C4orf51: variants seen among roughly 807,000 people sequenced by gnomAD.
C4orf51 encodes uncharacterized protein C4orf51.
C4orf51 carries 25 observed loss-of-function variants against 25.2 expected under a neutral mutation model. That is an observed-to-expected ratio of 0.99 (90% confidence interval 0.72 to 1.39). C4orf51 has a LOEUF of 1.39. Among genes scored for constraint, C4orf51 ranks in the 40% most tolerant of loss-of-function variants. The pLI is 0.00. For missense variants in C4orf51, 252 were observed against 239.6 expected (o/e 1.05, Z -0.34); for synonymous variants, 100 against 84.5 (o/e 1.18, Z -1.01).
At chr4:145,771,523 G>T (rs181389841), downstream of C4orf51, among the ~76,000 whole-genome samples, 81 of 152,296 alleles carry the variant, frequency 5.3e-4, no homozygotes, top group Non-Finnish European at 8.1e-4. Flanking sequence ...AGCAAAATTT[G>T]CACTGAAGAA....
chr4:145,742,757 G>T (rs965505649), intron 1 of C4orf51, among the ~76,000 whole-genome samples: 1 of 151,638 alleles, frequency 6.6e-6, no homozygotes, highest in Non-Finnish European at 1.5e-5. Context: ...GGTTAGGCTG[G>T]TCTCAAACCC....
At chr4:145,779,300 A>G in the C4orf51 span, 3 of 1,536,662 alleles carry the variant, frequency 2.0e-6, no homozygotes, top group Non-Finnish European at 2.6e-6. Flanking sequence ...CTCTTAGAGA[A>G]ACTCAGTTTC....
chr4:145,699,045 A>G (rs1468587828), intron 2 of C4orf51, among the ~76,000 whole-genome samples: 4 of 151,416 alleles, frequency 2.6e-5, no homozygotes, highest in Middle Eastern at 3.4e-3. Flanking sequence ...TTCTGGCTCA[A>G]ATAGCACCCC....
downstream of C4orf51, chr4:145,775,931 G>A (rs750200531): frequency 1.9e-6 from 3 of 1,614,154 alleles, no homozygotes; most frequent in Non-Finnish European, 2.5e-6. Flanking sequence ...GCAGCATAGG[G>A]GCACAAGTGG....
At chr4:145,756,939 TTA>T (rs1733991921), downstream of C4orf51, among the ~76,000 whole-genome samples, 1 of 152,208 alleles carries the variant, frequency 6.6e-6, no homozygotes, top group East Asian at 1.9e-4. Flanking sequence ...GCAAAGGACA[TTA>T]TATTTATAAG....
chr4:145,729,406 A>G (rs1365544883), intron 4 of C4orf51, among the ~76,000 whole-genome samples, 177 bp downstream of exon 4: 1 of 139,030 alleles, frequency 7.2e-6, no homozygotes, highest in Non-Finnish European at 1.5e-5. Context: ...CGTTCACGCC[A>G]TTCTCCTGCC....
At chr4:145,731,247 A>C (rs1170171692) in intron 5 of C4orf51, among the ~76,000 whole-genome samples, 2 of 152,198 alleles carry the variant, frequency 1.3e-5, no homozygotes, top group Non-Finnish European at 2.9e-5. Context: ...TACTGGTGCC[A>C]AGCAATTCCA....
In C4orf51 at chr4:145,762,158, T is replaced by G. The variant is rs1189334448; in HGVS notation, n.167-8830T>G. Among the ~76,000 whole-genome samples the G allele has an allele frequency of 2.6e-5, 4 of 152,134 alleles. No individual in the cohort carries two copies. The highest frequency in any genetic ancestry group is 5.9e-5 in the Non-Finnish European group (4 of 68,018). On this transcript the variant is annotated intron_variant and non_coding_transcript_variant, in intron 1 of 1. Coordinates refer to the C4orf51 transcript ENST00000510096. The surrounding 1 kb of genome is among the most constrained non-coding windows in gnomAD (Gnocchi z 4.9). ...CGTGCTTATTAAGGGTTTGTTAGGA[T>G]GAGAAGGCCTGTGTGTGTCTCTCTG... is the stretch of plus-strand genomic sequence containing the variant.
intron 1 of C4orf51, among the ~76,000 whole-genome samples, chr4:145,689,413 A>G (rs1729390747): frequency 6.6e-6 from 1 of 152,162 alleles, no homozygotes; most frequent in Admixed American, 6.5e-5. Context: ...ATATGTATCT[A>G]TATACATATA....
intron 2 of C4orf51, among the ~76,000 whole-genome samples, chr4:145,698,365 T>C (rs1730205575): frequency 6.6e-6 from 1 of 152,204 alleles, no homozygotes; most frequent in African/African-American, 2.4e-5. Flanking sequence ...CATCAATCAA[T>C]ACATGTAAGA....
At chr4:145,707,062 C>G (rs1730856330) in intron 2 of C4orf51, among the ~76,000 whole-genome samples, 1 of 152,114 alleles carries the variant, frequency 6.6e-6, no homozygotes, top group African/African-American at 2.4e-5. Flanking sequence ...GTGATCCGGC[C>G]CACCTCGGCC....
At chr4:145,695,199 T>C (rs530228142) in intron 1 of C4orf51, among the ~76,000 whole-genome samples, 4 of 152,358 alleles carry the variant, frequency 2.6e-5, no homozygotes, top group African/African-American at 9.6e-5. Context: ...TATACCCTCC[T>C]ACCAACAGTG....
At chr4:145,733,646 CTG>C (rs935934633), downstream of C4orf51, among the ~76,000 whole-genome samples, 1 of 152,176 alleles carries the variant, frequency 6.6e-6, no homozygotes, top group African/African-American at 2.4e-5. Flanking sequence ...AGCACCACCC[CTG>C]CCTCCCGCCC....
downstream of C4orf51, chr4:145,774,582 C>G (rs151291781): frequency 1.9e-6 from 3 of 1,613,348 alleles, no homozygotes; most frequent in Non-Finnish European, 2.5e-6. Context: ...TGCAGCAGAT[C>G]GAAAACATCC....
the C4orf51 span, among the ~76,000 whole-genome samples, chr4:145,778,413 C>T: frequency 0.011 from 1,713 of 152,252 alleles, 42 homozygotes; most frequent in African/African-American, 0.04. Flanking sequence ...GGATTATAGG[C>T]GTGAGCCATC....
downstream of C4orf51, chr4:145,732,806 A>G (rs1732556716): frequency 2.9e-6 from 1 of 341,158 alleles, no homozygotes; most frequent in African/African-American, 2.1e-5. Context: ...AATACTTGGG[A>G]CCACATTTCT....
chr4:145,727,482 A>G (rs1009932922), intron 3 of C4orf51, among the ~76,000 whole-genome samples: 3 of 152,118 alleles, frequency 2.0e-5, no homozygotes, highest in African/African-American at 7.2e-5. Context: ...TTATCCCTCA[A>G]TATTTTCATG....
At chr4:145,690,091 C>T (rs1272546387) in intron 1 of C4orf51, among the ~76,000 whole-genome samples, 1 of 151,922 alleles carries the variant, frequency 6.6e-6, no homozygotes, top group Non-Finnish European at 1.5e-5. Context: ...CCTGTAATCC[C>T]AGCTACTCGG....
the C4orf51 span, among the ~76,000 whole-genome samples, chr4:145,787,682 T>C: frequency 6.6e-6 from 1 of 152,078 alleles, no homozygotes; most frequent in African/African-American, 2.4e-5. Context: ...CTGTCAAGCA[T>C]GTCTCCAAAA....
Sources: gnomAD v4.1 joint callset for allele counts (sites outside exome capture counted in the v4.1 genomes callset) on GRCh38, gnomAD v4.1.1 for gene constraint, Gnocchi (gnomAD v3.1) non-coding constraint, MANE v1.5 for transcripts, NCBI Gene and HGNC (gene_info 2026-07-23, HGNC 2026-07-21) for gene names.